PTPRG: variants seen among roughly 807,000 people sequenced by gnomAD.
The protein encoded by PTPRG is protein tyrosine phosphatase receptor type G, also known as receptor-type tyrosine-protein phosphatase gamma.
A neutral mutation model predicts 165.3 loss-of-function variants in PTPRG; 102 were observed. The ratio of observed to expected loss-of-function variants is 0.62; its 90% CI spans 0.53 to 0.73. The LOEUF (loss-of-function observed/expected upper bound fraction) is 0.73, where lower values mean the gene tolerates loss of function less well. Among genes scored for constraint, PTPRG ranks in the 30% least tolerant of loss-of-function variants. The pLI is 0.00. For missense variants in PTPRG, 1,866 were observed against 1,861.4 expected (o/e 1.00, Z -0.05); for synonymous variants, 675 against 669.5 (o/e 1.01, Z -0.13).
In PTPRG at chr3:61,661,009, C is replaced by T. The variant is rs555871625; in HGVS notation, c.86-87869C>T. Among the ~76,000 whole-genome samples the T allele has an allele frequency of 2.0e-5, 3 of 152,186 alleles. No homozygotes were observed. The South Asian group carries it at 6.2e-4, about 32-fold the overall frequency. On this transcript the variant is annotated intron_variant, in intron 1 of 29. Transcript: ENST00000474889. ...TAGAGTGAGACTCCATCTCAAAAAA[C>T]AAAACCTTACACAATTTAATACATT...
chr3:61,601,249 CTG>C (rs1450783073), intron 1 of PTPRG, among the ~76,000 whole-genome samples: 1 of 152,168 alleles, frequency 6.6e-6, no homozygotes, highest in Non-Finnish European at 1.5e-5. Context: ...GACGGGGACT[CTG>C]TCTCAAAAAG....
intron 1 of PTPRG, among the ~76,000 whole-genome samples, chr3:61,713,621 C>G (rs2031672497): frequency 1.3e-5 from 2 of 152,094 alleles, no homozygotes; most frequent in Admixed American, 1.3e-4. Context: ...TAGCCCTCCC[C>G]CAAATTTAAT....
intron 13 of PTPRG, among the ~76,000 whole-genome samples, chr3:62,223,644 C>T (rs545858300): frequency 7.9e-5 from 12 of 152,198 alleles, no homozygotes; most frequent in African/African-American, 1.7e-4. Context: ...CGTGAGGATT[C>T]GGTGCAAGCT....
At chr3:61,564,549 G>T (rs1479597625) in intron 1 of PTPRG, among the ~76,000 whole-genome samples, 1 of 152,224 alleles carries the variant, frequency 6.6e-6, no homozygotes, top group Non-Finnish European at 1.5e-5. Flanking sequence ...AGGGGTGTGG[G>T]AAAGGGAAAG....
At chr3:62,287,561 C>T (rs919302625) in intron 28 of PTPRG, among the ~76,000 whole-genome samples, 1 of 151,898 alleles carries the variant, frequency 6.6e-6, no homozygotes, top group African/African-American at 2.4e-5. Context: ...TGAAATGAAA[C>T]TAGAATGTGG....
intron 1 of PTPRG, among the ~76,000 whole-genome samples, chr3:61,737,270 GT>G (rs2032755633): frequency 6.6e-6 from 1 of 151,634 alleles, no homozygotes. Context: ...TTTTCATGTT[GT>G]TCAGTCATTA....
intron 5 of PTPRG, among the ~76,000 whole-genome samples, chr3:62,108,785 C>T (rs989367148): frequency 6.6e-6 from 1 of 152,148 alleles, no homozygotes; most frequent in African/African-American, 2.4e-5. Context: ...TTGCATTTCT[C>T]TAATGACCAG....
chr3:61,890,030 A>G (rs1007511077), intron 2 of PTPRG, among the ~76,000 whole-genome samples: 1 of 152,234 alleles, frequency 6.6e-6, no homozygotes, highest in African/African-American at 2.4e-5. Context: ...GCACATAACT[A>G]TTCTCATACT....
chr3:61,973,576 A>T (rs891619581), intron 2 of PTPRG, among the ~76,000 whole-genome samples: 8 of 152,144 alleles, frequency 5.3e-5, no homozygotes, highest in Admixed American at 2.0e-4. Context: ...TCATACCTGT[A>T]ATCACAGCAC....
At chr3:62,248,350 G>A (rs762226617) in intron 15 of PTPRG, among the ~76,000 whole-genome samples, 3 of 152,158 alleles carry the variant, frequency 2.0e-5, no homozygotes, top group African/African-American at 4.8e-5. Flanking sequence ...TTTCACTAAG[G>A]GTTTTTCAAA....
intron 1 of PTPRG, among the ~76,000 whole-genome samples, chr3:61,599,037 G>A (rs990654201): frequency 2.6e-5 from 4 of 152,158 alleles, no homozygotes; most frequent in African/African-American, 9.7e-5. Flanking sequence ...TGGATAGGAA[G>A]ATAGCTAGTT....
At chr3:62,132,966 T>A (rs1253199668) in intron 6 of PTPRG, among the ~76,000 whole-genome samples, 1 of 152,258 alleles carries the variant, frequency 6.6e-6, no homozygotes, top group Non-Finnish European at 1.5e-5. Context: ...GCCATTTGTT[T>A]CATATCTCTC....
chr3:62,102,594 A>C (rs992838960), intron 5 of PTPRG, among the ~76,000 whole-genome samples: 3 of 152,184 alleles, frequency 2.0e-5, no homozygotes, highest in Non-Finnish European at 4.4e-5. Flanking sequence ...TTGAAAAATG[A>C]AAATGAACAG....
chr3:62,169,685 G>C (rs1192285027), intron 8 of PTPRG, among the ~76,000 whole-genome samples: 1 of 152,106 alleles, frequency 6.6e-6, no homozygotes, highest in Non-Finnish European at 1.5e-5. Context: ...GGTGCGAAAA[G>C]GGATATTTCC....
intron 2 of PTPRG, among the ~76,000 whole-genome samples, chr3:61,950,649 C>A (rs1020094196): frequency 3.3e-5 from 5 of 152,046 alleles, no homozygotes; most frequent in Non-Finnish European, 5.9e-5. Context: ...CTTTCTTGCA[C>A]CTCTGGTAAC....
intron 4 of PTPRG, among the ~76,000 whole-genome samples, chr3:62,043,259 T>G (rs2107806347): frequency 6.6e-6 from 1 of 152,326 alleles, no homozygotes; most frequent in East Asian, 1.9e-4. Flanking sequence ...AGATACACCT[T>G]TAGTGCTTTG....
At chr3:61,773,180 T>C (rs2034264606) in intron 2 of PTPRG, among the ~76,000 whole-genome samples, 1 of 152,154 alleles carries the variant, frequency 6.6e-6, no homozygotes, top group Non-Finnish European at 1.5e-5. Context: ...TGCAATAAAT[T>C]ATTTGGAAGA....
Position 62,266,500 on chromosome 3 carries a change from T to C in PTPRG, c.2657-910T>C, listed in dbSNP as rs569776634. 4.9e-4 allele frequency among the ~76,000 whole-genome samples: 75 copies of C among 152,182 alleles called. 1 individual carries two copies. The highest frequency in any genetic ancestry group is 8.7e-4 in the Non-Finnish European group (59 of 67,994). On this transcript the variant is annotated intron_variant, in intron 17 of 29. Transcript: ENST00000474889. Reference sequence around the variant, plus strand: ...GATGCCTTAGGAGAAATTTTTCCTTTGGGGCCTATTTATATCAAGCAACAC... The same window carrying C: ...GATGCCTTAGGAGAAATTTTTCCTTCGGGGCCTATTTATATCAAGCAACAC...
chr3:62,019,290 G>C (rs1380923032), intron 4 of PTPRG, among the ~76,000 whole-genome samples: 1 of 152,196 alleles, frequency 6.6e-6, no homozygotes, highest in Non-Finnish European at 1.5e-5. Context: ...GAGAGGCCAA[G>C]GTGGGTGGAT....
Sources: allele counts gnomAD v4.1 joint callset (sites outside exome capture counted in the v4.1 genomes callset), GRCh38; gene constraint gnomAD v4.1.1; transcripts MANE v1.5; gene names NCBI Gene and HGNC (gene_info 2026-07-23, HGNC 2026-07-21).